Variants in MAML3 observed in about 807,000 individuals in gnomAD.
MAML3 encodes mastermind like transcriptional coactivator 3, also known as mastermind-like protein 3.
MAML3 carries 27 observed loss-of-function variants against 101.9 expected under a neutral mutation model. The observed-to-expected ratio is 0.27, with a 90% confidence interval of 0.20 to 0.37. The LOEUF (loss-of-function observed/expected upper bound fraction) is 0.37. MAML3 is among the 10% of genes least tolerant of loss of function. The pLI is 1.00. For synonymous variants in MAML3, 501 were observed against 555.9 expected, an observed-to-expected ratio of 0.90 and a Z score of 1.39; for missense variants, 1,316 against 1,444.9, an observed-to-expected ratio of 0.91 and a Z score of 1.45.
intron 1 of MAML3, among the ~76,000 whole-genome samples, chr4:139,954,674 C>T (rs533331721): frequency 2.0e-5 from 3 of 152,282 alleles, no homozygotes; most frequent in African/African-American, 4.8e-5. Context: ...ATTCACTTTG[C>T]GTAAGAAGTG....
chr4:139,950,857 T>G (rs1173020638), intron 1 of MAML3, among the ~76,000 whole-genome samples: 1 of 152,140 alleles, frequency 6.6e-6, no homozygotes, highest in East Asian at 1.9e-4. Flanking sequence ...CCATCAAAGC[T>G]TTGCCTGCAG....
chr4:140,092,101 T>C (rs147232303), intron 1 of MAML3, among the ~76,000 whole-genome samples: 1,000 of 96,074 alleles, frequency 0.01, 12 homozygotes, highest in African/African-American at 0.032. Flanking sequence ...TATATATATA[T>C]ACGTATATAT....
chr4:139,811,830 A>G (rs1730802855), intron 2 of MAML3, among the ~76,000 whole-genome samples: 1 of 152,242 alleles, frequency 6.6e-6, no homozygotes, highest in African/African-American at 2.4e-5. Context: ...AGACAAAAAC[A>G]TATATGAAGT....
Position 140,153,169 on chromosome 4 carries a change from T to C in MAML3, c.159A>G (p.Gly53=), listed in dbSNP as rs1015963523. The change falls in exon 1 of 5, where the codon GGA becomes GGG. Residue 53 remains glycine, a synonymous_variant. Coordinates refer to ENST00000509479, the MANE Select transcript of MAML3 (RefSeq NM_018717.5). The part of the protein sequence containing the change: ...APSSNHPAAG[G]CGGSGGPGGG... ...CGCCGGGGCCCCCGGAGCCGCCGCA[T>C]CCACCGGCTGCCGGGTGATTGCTAC... The C allele has an allele frequency of 5.8e-6, 9 of 1,551,430 alleles. No homozygotes were observed. Among genetic ancestry groups the C allele is most frequent in the Non-Finnish European group, 7.8e-6 (9 of 1,147,282 alleles).
chr4:139,971,044 G>A (rs1047826444), intron 1 of MAML3, among the ~76,000 whole-genome samples: 1 of 152,176 alleles, frequency 6.6e-6, no homozygotes, highest in Non-Finnish European at 1.5e-5. Context: ...TATGATATGT[G>A]TCTATGTATT....
intron 1 of MAML3, among the ~76,000 whole-genome samples, chr4:139,906,466 A>G (rs1476453337): frequency 1.3e-5 from 2 of 152,218 alleles, no homozygotes; most frequent in East Asian, 1.9e-4. Context: ...ATGATTTTCC[A>G]TAATCCACTT....
At chr4:139,813,818 G>T (rs923381541) in intron 2 of MAML3, among the ~76,000 whole-genome samples, 1 of 152,106 alleles carries the variant, frequency 6.6e-6, no homozygotes, top group Non-Finnish European at 1.5e-5. Flanking sequence ...GAAAGAAAAA[G>T]AAATGGATTG....
intron 1 of MAML3, among the ~76,000 whole-genome samples, chr4:139,933,096 A>G (rs1733434132): frequency 6.6e-6 from 1 of 152,158 alleles, no homozygotes; most frequent in South Asian, 2.1e-4. Context: ...AGAAATTCCT[A>G]TGAGGAGACA....
chr4:140,049,254 C>T (rs1224068081), intron 1 of MAML3, among the ~76,000 whole-genome samples: 2 of 152,226 alleles, frequency 1.3e-5, no homozygotes. Flanking sequence ...CCCTCGCCGC[C>T]TCCCTTTCCT....
chr4:139,897,660 C>T lies in MAML3; in HGVS notation c.469-6693G>A, dbSNP rs28583590. Among the ~76,000 whole-genome samples, 446 of 152,276 alleles carry T rather than the reference C, an allele frequency of 2.9e-3. 1 individual carries two copies. Among genetic ancestry groups the T allele is most frequent in the African/African-American group, 9.6e-3 (399 of 41,556 alleles). On this transcript the variant is annotated intron_variant, in intron 1 of 4. Coordinates refer to ENST00000509479, the MANE Select transcript of MAML3 (RefSeq NM_018717.5). ...AGCAGCTCCTGACCAGCCTCAGTCT[C>T]GCCACCTCCAACCCATTCTCTGCAT... is the stretch of plus-strand genomic sequence containing the variant.
At chr4:139,983,358 T>C (rs1734480736) in intron 1 of MAML3, among the ~76,000 whole-genome samples, 1 of 152,220 alleles carries the variant, frequency 6.6e-6, no homozygotes, top group South Asian at 2.1e-4. Context: ...TCATACAATA[T>C]ATAGCCTTTT....
chr4:139,749,789 G>C (rs1030696401), intron 2 of MAML3, among the ~76,000 whole-genome samples: 13 of 152,102 alleles, frequency 8.5e-5, no homozygotes, highest in African/African-American at 3.1e-4. Flanking sequence ...ACAGAGTTTT[G>C]AGCAATGCAG....
chr4:139,824,867 C>A (rs76734690), intron 2 of MAML3, among the ~76,000 whole-genome samples: 1 of 152,048 alleles, frequency 6.6e-6, no homozygotes, highest in Non-Finnish European at 1.5e-5. Flanking sequence ...CCATATACCC[C>A]CTCCATCCCA....
At chr4:139,726,135 T>C (rs531300974) in intron 3 of MAML3, among the ~76,000 whole-genome samples, 3 of 152,310 alleles carry the variant, frequency 2.0e-5, no homozygotes, top group Non-Finnish European at 4.4e-5. Flanking sequence ...TCCTAACTTT[T>C]AACAACATAG....
intron 2 of MAML3, among the ~76,000 whole-genome samples, chr4:139,876,613 G>A (rs1732120212): frequency 6.6e-6 from 1 of 152,204 alleles, no homozygotes; most frequent in Non-Finnish European, 1.5e-5. Context: ...GGCACTCTGT[G>A]GCACATGTAA....
chr4:139,914,550 A>G (rs536361602), intron 1 of MAML3, among the ~76,000 whole-genome samples: 1 of 152,344 alleles, frequency 6.6e-6, no homozygotes, highest in African/African-American at 2.4e-5. Context: ...AGGTCTCTCC[A>G]GAAATAGAGC....
At chr4:140,102,851 C>T (rs972997377) in intron 1 of MAML3, among the ~76,000 whole-genome samples, 1 of 152,128 alleles carries the variant, frequency 6.6e-6, no homozygotes, top group South Asian at 2.1e-4. Context: ...TGTAAAATTA[C>T]TCATCACCAC....
At chr4:140,105,031 G>GA (rs1168784042) in intron 1 of MAML3, among the ~76,000 whole-genome samples, 1 of 152,032 alleles carries the variant, frequency 6.6e-6, no homozygotes, top group East Asian at 1.9e-4. Context: ...AGCAGTAAAA[G>GA]AAAGTCCTGG....
At chr4:139,970,117 C>T (rs1734208718) in intron 1 of MAML3, among the ~76,000 whole-genome samples, 1 of 152,108 alleles carries the variant, frequency 6.6e-6, no homozygotes, top group Non-Finnish European at 1.5e-5. Context: ...CATAGAAACA[C>T]GAGCTGCAAT....
Sources: gnomAD v4.1 joint callset for allele counts (sites outside exome capture counted in the v4.1 genomes callset) on GRCh38, gnomAD v4.1.1 for gene constraint, MANE v1.5 for transcripts, NCBI Gene and HGNC (gene_info 2026-07-23, HGNC 2026-07-21) for gene names.